NAALADL2: variants seen among roughly 807,000 people sequenced by gnomAD.
NAALADL2 encodes inactive N-acetylated-alpha-linked acidic dipeptidase-like protein 2.
Under a neutral mutation model 87.2 loss-of-function variants are expected in NAALADL2, and 76 were observed. The ratio of observed to expected loss-of-function variants is 0.87; its 90% CI spans 0.72 to 1.05. The LOEUF is 1.05. Ranked by LOEUF, NAALADL2 falls within the 50% of genes least tolerant of loss-of-function variation. NAALADL2 has a pLI of 0.00. For synonymous variants in NAALADL2, 354 were observed against 331.0 expected (o/e 1.07, Z -0.75); for missense variants, 1,089 against 945.8 (o/e 1.15, Z -1.99).
At chr3:175,353,098 A>T (rs1459834551) in intron 5 of NAALADL2, among the ~76,000 whole-genome samples, 2 of 146,586 alleles carry the variant, frequency 1.4e-5, no homozygotes, top group African/African-American at 5.0e-5. Context: ...TCAAATATCC[A>T]TTTAATAAAA....
chr3:175,679,232 G>A (rs1271277134), intron 11 of NAALADL2, among the ~76,000 whole-genome samples: 4 of 151,236 alleles, frequency 2.6e-5, no homozygotes, highest in African/African-American at 9.8e-5. Flanking sequence ...GCTTAGCTTG[G>A]GCTCAGAGGC....
chr3:174,812,064 A>G (rs188177845), intron 3 of NAALADL2, among the ~76,000 whole-genome samples: 2 of 152,168 alleles, frequency 1.3e-5, no homozygotes, highest in African/African-American at 4.8e-5. Flanking sequence ...CCAGAAGCAG[A>G]TGCTGCCCTA....
At chr3:175,312,876 G>A (rs890932853) in intron 4 of NAALADL2, among the ~76,000 whole-genome samples, 13 of 152,172 alleles carry the variant, frequency 8.5e-5, no homozygotes, top group African/African-American at 1.2e-4. Flanking sequence ...GATCCAGATC[G>A]TAATCACAAT....
At chr3:175,014,298 C>T (rs1262504193) in intron 1 of NAALADL2, among the ~76,000 whole-genome samples, 3 of 152,114 alleles carry the variant, frequency 2.0e-5, no homozygotes, top group Non-Finnish European at 4.4e-5. Flanking sequence ...GCTTCCTTCC[C>T]TGGCAACTAT....
At chr3:174,638,003 A>T (rs1297697222) in intron 2 of NAALADL2, among the ~76,000 whole-genome samples, 1 of 152,206 alleles carries the variant, frequency 6.6e-6, no homozygotes, top group Admixed American at 6.5e-5. Context: ...AAAATAAAGA[A>T]ATAAGTATCA....
chr3:174,551,583 C>T (rs1489283909), intron 2 of NAALADL2, among the ~76,000 whole-genome samples: 2 of 152,094 alleles, frequency 1.3e-5, no homozygotes, highest in Admixed American at 6.5e-5. Context: ...GTAGTGGAGG[C>T]TAAGAGAGCA....
chr3:175,079,923 A>G (rs2109227041), intron 1 of NAALADL2, among the ~76,000 whole-genome samples: 1 of 151,932 alleles, frequency 6.6e-6, no homozygotes, highest in East Asian at 1.9e-4. Context: ...AAATATAAGA[A>G]TTGCCATACT....
intron 2 of NAALADL2, among the ~76,000 whole-genome samples, chr3:175,193,957 G>A (rs939766435): frequency 6.6e-6 from 1 of 151,840 alleles, no homozygotes; most frequent in Non-Finnish European, 1.5e-5. Context: ...TAGATAATTT[G>A]TGTGCAAAGT....
intron 2 of NAALADL2, among the ~76,000 whole-genome samples, chr3:175,136,826 T>G (rs1466943728): frequency 6.6e-6 from 1 of 152,160 alleles, no homozygotes; most frequent in Non-Finnish European, 1.5e-5. Flanking sequence ...AGTGACCTTG[T>G]GTTTCTATAA....
intron 5 of NAALADL2, among the ~76,000 whole-genome samples, chr3:175,439,555 T>A (rs1347242535): frequency 1.3e-5 from 2 of 151,962 alleles, no homozygotes; most frequent in African/African-American, 4.8e-5. Context: ...CCAGGTGGCA[T>A]CGTATTGTGG....
intron 9 of NAALADL2, among the ~76,000 whole-genome samples, chr3:175,472,172 G>GC (rs1354905833): frequency 6.6e-6 from 1 of 150,564 alleles, no homozygotes; most frequent in Non-Finnish European, 1.5e-5. Flanking sequence ...TGCTGTGTAG[G>GC]CCCCCCGAGA....
At chr3:174,866,236 C>T (rs1457490833) in intron 1 of NAALADL2, among the ~76,000 whole-genome samples, 4 of 151,692 alleles carry the variant, frequency 2.6e-5, no homozygotes, top group Admixed American at 2.6e-4. Context: ...TATTAGAAAA[C>T]ACTGAGCATT....
chr3:174,715,679 T>C (rs114711415), intron 2 of NAALADL2, among the ~76,000 whole-genome samples: 27 of 152,260 alleles, frequency 1.8e-4, no homozygotes, highest in African/African-American at 6.5e-4. Flanking sequence ...TAGAAAGCAT[T>C]CTTGCATTGT....
At chr3:175,070,184 TAAAA>T (rs955540872) in intron 1 of NAALADL2, among the ~76,000 whole-genome samples, 1 of 150,102 alleles carries the variant, frequency 6.7e-6, no homozygotes, top group Non-Finnish European at 1.5e-5. Context: ...AAAATAAAAA[TAAAA>T]AATAAAAATA....
At chr3:175,013,772 C>T (rs923215208) in intron 1 of NAALADL2, among the ~76,000 whole-genome samples, 4 of 152,050 alleles carry the variant, frequency 2.6e-5, no homozygotes, top group African/African-American at 7.2e-5. Flanking sequence ...CTCCTGGTCT[C>T]GTAAGACCCA....
intron 1 of NAALADL2, among the ~76,000 whole-genome samples, chr3:174,864,308 A>G (rs1553877085): frequency 2.0e-5 from 3 of 152,098 alleles, no homozygotes; most frequent in African/African-American, 7.2e-5. Context: ...TCTTTACCTT[A>G]TTAGAAATAA....
At chr3:174,522,802 CG>C (rs759294195) in intron 1 of NAALADL2, among the ~76,000 whole-genome samples, 4 of 151,382 alleles carry the variant, frequency 2.6e-5, no homozygotes, top group Non-Finnish European at 5.9e-5. Context: ...GGTGCGGTGG[CG>C]GGCGCCTGTA....
intron 2 of NAALADL2, among the ~76,000 whole-genome samples, chr3:174,624,543 T>C (rs1479007922): frequency 6.6e-6 from 1 of 151,482 alleles, no homozygotes; most frequent in Non-Finnish European, 1.5e-5. Flanking sequence ...AGAATTGCTT[T>C]AACCCGGGAG....
intron 2 of NAALADL2, among the ~76,000 whole-genome samples, chr3:174,608,489 C>T (rs879895562): frequency 0.016 from 2,324 of 148,648 alleles, 29 homozygotes; most frequent in Non-Finnish European, 0.024. Flanking sequence ...ATATCACCAC[C>T]GATCCCACAG....
Sources: allele counts gnomAD v4.1 joint callset (sites outside exome capture counted in the v4.1 genomes callset), GRCh38; gene constraint gnomAD v4.1.1; transcripts MANE v1.5; gene names NCBI Gene and HGNC (gene_info 2026-07-23, HGNC 2026-07-21).